Variants in SLC20A2 observed in about 807,000 individuals in gnomAD.
The protein encoded by SLC20A2 is solute carrier family 20 member 2.
A neutral mutation model predicts 61.0 loss-of-function variants in SLC20A2; 30 were observed. That is an observed-to-expected ratio of 0.49 (90% CI 0.37 to 0.67). SLC20A2 has a LOEUF of 0.67. Ranked by LOEUF, SLC20A2 falls within the 30% of genes least tolerant of loss-of-function variation. The pLI is 0.00. For synonymous variants in SLC20A2, 351 were observed against 353.3 expected, an observed-to-expected ratio of 0.99 and a Z score of 0.07; for missense variants, 626 against 866.4, an observed-to-expected ratio of 0.72 and a Z score of 3.48.
intron 1 of SLC20A2, among the ~76,000 whole-genome samples, chr8:42,533,556 C>T (rs1373173172): frequency 6.6e-6 from 1 of 151,440 alleles, no homozygotes; most frequent in East Asian, 1.9e-4. Context: ...GTGGAGGTTA[C>T]AGAGTAGGTT....
intron 1 of SLC20A2, among the ~76,000 whole-genome samples, chr8:42,490,345 C>T (rs1809417056): frequency 1.3e-5 from 2 of 152,154 alleles, no homozygotes; most frequent in African/African-American, 2.4e-5. Context: ...CGCCTGTAAT[C>T]CCAACACTTT....
chr8:42,419,679 A>C, intron 10 of SLC20A2: 2 of 968,244 alleles, frequency 2.1e-6, no homozygotes, highest in Non-Finnish European at 2.5e-6. Context: ...ACCTTAATAC[A>C]TAATGACAAA....
chr8:42,540,516 A>C (rs945736178), intron 1 of SLC20A2, among the ~76,000 whole-genome samples: 2 of 152,210 alleles, frequency 1.3e-5, no homozygotes, highest in Non-Finnish European at 2.9e-5. Flanking sequence ...ATGTATATAC[A>C]ATATATATAA....
At chr8:42,455,954 G>A (rs750351281) in intron 5 of SLC20A2, among the ~76,000 whole-genome samples, 1 of 152,238 alleles carries the variant, frequency 6.6e-6, no homozygotes, top group South Asian at 2.1e-4. Context: ...ATAAAGCTCA[G>A]TTCAATACAG....
intron 3 of SLC20A2, among the ~76,000 whole-genome samples, chr8:42,465,551 C>T (rs899191183): frequency 4.0e-5 from 6 of 151,406 alleles, no homozygotes; most frequent in Admixed American, 6.6e-5. Context: ...AATTAGCAGG[C>T]GTGGTAGGAG....
In SLC20A2 at chr8:42,533,654, C is replaced by CTTTTTTTCTTTT. The variant is rs1253260874; in HGVS notation, c.-265+8166_-265+8167insAAAAGAAAAAAA. On this transcript the variant is annotated intron_variant, in intron 1 of 10. Transcript: ENST00000342228. ...TTAATGGCCTTAATGATCAACTGTT[C>CTTTTTTTCTTTT]TTTTTTTTTTTTTTTTTTTTTTGAG... is the stretch of plus-strand genomic sequence containing the variant. 9.1e-4 allele frequency among the ~76,000 whole-genome samples: 50 copies of CTTTTTTTCTTTT among 55,058 alleles called. 1 individual carries two copies. Among genetic ancestry groups the CTTTTTTTCTTTT allele is most frequent in the East Asian group, 2.6e-3 (5 of 1,898 alleles). The allele number at this position is 55,058 out of a possible 152,430, so 36.1% of individuals were successfully genotyped here. A position where few individuals can be genotyped will look rare whatever the true frequency, so the allele number is the denominator to read the frequency against.
intron 1 of SLC20A2, among the ~76,000 whole-genome samples, chr8:42,479,043 C>A (rs74966792): frequency 6.6e-6 from 1 of 152,072 alleles, no homozygotes; most frequent in Non-Finnish European, 1.5e-5. Context: ...AGGAGGGGCT[C>A]GGGACATGAC....
chr8:42,485,079 T>G, intron 1 of SLC20A2: 1 of 208,186 alleles, frequency 4.8e-6, no homozygotes, highest in Non-Finnish European at 9.8e-6. Context: ...CCTTTCCTCC[T>G]TCGCAGAGGT....
intron 1 of SLC20A2, among the ~76,000 whole-genome samples, chr8:42,540,719 C>T (rs1813053368): frequency 6.6e-6 from 1 of 152,184 alleles, no homozygotes; most frequent in South Asian, 2.1e-4. Flanking sequence ...TCCTAGAGAA[C>T]TTAATCAAAA....
At chr8:42,533,657 T>TTTTTCTTTTC (rs988732550) in intron 1 of SLC20A2, among the ~76,000 whole-genome samples, 1 of 118,090 alleles carries the variant, frequency 8.5e-6, no homozygotes, top group African/African-American at 3.3e-5. Context: ...AACTGTTCTT[T>TTTTTCTTTTC]TTTTTTTTTT....
chr8:42,485,231 C>T (rs1808877653), intron 1 of SLC20A2, among the ~76,000 whole-genome samples: 1 of 152,110 alleles, frequency 6.6e-6, no homozygotes. Context: ...GCTGATTTCC[C>T]TGGGTACACT....
intron 1 of SLC20A2, among the ~76,000 whole-genome samples, chr8:42,474,769 T>C (rs965188075): frequency 6.6e-6 from 1 of 152,118 alleles, no homozygotes; most frequent in Non-Finnish European, 1.5e-5. Flanking sequence ...ACACTAATCA[T>C]AGCAACACAT....
chr8:42,426,169 A>G (rs566251876), intron 10 of SLC20A2, among the ~76,000 whole-genome samples: 1 of 152,352 alleles, frequency 6.6e-6, no homozygotes, highest in East Asian at 1.9e-4. Context: ...ATATATCAAT[A>G]CAGTATTGGG....
chr8:42,454,588 G>A (rs76042544), intron 5 of SLC20A2, among the ~76,000 whole-genome samples: 3,141 of 151,792 alleles, frequency 0.021, 83 homozygotes, highest in South Asian at 0.1. Context: ...GTTGTGCTTC[G>A]AGGGAATAAT....
Position 42,536,746 on chromosome 8 carries a change from T to TTGAAAAAGTGAATCAAG in SLC20A2, c.-265+5074_-265+5075insCTTGATTCACTTTTTCA, listed in dbSNP as rs1812721656. Among the ~76,000 whole-genome samples, 3 of 152,234 alleles carry TTGAAAAAGTGAATCAAG rather than the reference T, an allele frequency of 2.0e-5. No homozygotes were observed. The South Asian group carries it at 6.2e-4, about 32-fold the overall frequency. ...ACCTCCTGACCCCAACAGCATTCTCTATTGCTCAATACAACCTGAAAAAGT... is the reference window on the plus strand; with the variant it reads ...ACCTCCTGACCCCAACAGCATTCTCTTGAAAAAGTGAATCAAGATTGCTCAATACAACCTGAAAAAGT... On this transcript the variant is annotated intron_variant, in intron 1 of 10. Coordinates refer to the SLC20A2 transcript ENST00000342228.
chr8:42,536,992 T>C (rs1195010983), intron 1 of SLC20A2, among the ~76,000 whole-genome samples: 1 of 151,994 alleles, frequency 6.6e-6, no homozygotes. Flanking sequence ...GAAGAATTGC[T>C]TGAATCCGGG....
chr8:42,482,300 T>C (rs964383692), intron 1 of SLC20A2, among the ~76,000 whole-genome samples: 5 of 152,224 alleles, frequency 3.3e-5, no homozygotes, highest in Non-Finnish European at 7.3e-5. Context: ...GAAAAAGTTA[T>C]TATTAGGAAA....
chr8:42,466,237 C>A (rs1463499862), intron 2 of SLC20A2, among the ~76,000 whole-genome samples: 3 of 152,004 alleles, frequency 2.0e-5, no homozygotes, highest in Non-Finnish European at 4.4e-5. Context: ...TGGGTTCAAG[C>A]AAGCCCTCTG....
intron 5 of SLC20A2, among the ~76,000 whole-genome samples, chr8:42,455,223 TAA>T (rs1167685475): frequency 0.041 from 2,028 of 49,374 alleles, 48 homozygotes; most frequent in African/African-American, 0.12. Context: ...AGACTCCGTC[TAA>T]AAAAAAAAAA....
Sources: allele counts gnomAD v4.1 joint callset (sites outside exome capture counted in the v4.1 genomes callset), GRCh38; gene constraint gnomAD v4.1.1; transcripts MANE v1.5; gene names NCBI Gene and HGNC (gene_info 2026-07-23, HGNC 2026-07-21).